Variants in DNAJC16 observed in about 807,000 individuals in gnomAD.
DNAJC16 encodes the protein dnaJ homolog subfamily C member 16.
A neutral mutation model predicts 92.7 loss-of-function variants in DNAJC16; 76 were observed. The observed-to-expected ratio is 0.82, with a 90% confidence interval of 0.68 to 0.99. The LOEUF is 0.99. DNAJC16 is among the 50% of genes least tolerant of loss of function. The pLI is 0.00. For synonymous variants in DNAJC16, 328 were observed against 358.7 expected, an observed-to-expected ratio of 0.91 and a Z score of 0.97; for missense variants, 869 against 942.4, an observed-to-expected ratio of 0.92 and a Z score of 1.02.
intron 11 of DNAJC16, 184 bp from the exon 12 acceptor site, chr1:15,565,735 A>G: frequency 1.6e-6 from 1 of 632,414 alleles, no homozygotes; most frequent in Non-Finnish European, 2.8e-6. Context: ...TGTGAATTAG[A>G]ACACTGAGCA....
intron 4 of DNAJC16, 143 bp downstream of exon 4, chr1:15,536,957 TC>T (rs1710806064): frequency 6.0e-6 from 4 of 666,466 alleles, no homozygotes; most frequent in Non-Finnish European, 7.1e-6. Flanking sequence ...TTCAAGTGAT[TC>T]TCCTGCCTCA....
At chr1:15,566,573 C>T (rs1023690052) in intron 13 of DNAJC16, 4 of 203,520 alleles carry the variant, frequency 2.0e-5, no homozygotes, top group Non-Finnish European at 3.0e-5. Context: ...TGTCCTAGAG[C>T]AACTTCTGCA....
At chr1:15,545,287 C>T (rs991576906) in intron 5 of DNAJC16, among the ~76,000 whole-genome samples, 3 of 152,058 alleles carry the variant, frequency 2.0e-5, no homozygotes, top group Non-Finnish European at 4.4e-5. Flanking sequence ...AAATTTTCAT[C>T]GTATTTCTAC....
At chr1:15,531,422 A>T (rs1469739130) in intron 2 of DNAJC16, among the ~76,000 whole-genome samples, 1 of 152,124 alleles carries the variant, frequency 6.6e-6, no homozygotes, top group African/African-American at 2.4e-5. Flanking sequence ...CCTTCCAGGG[A>T]CTCTTTATAC....
At chr1:15,553,316 C>T (rs1448273288) in intron 7 of DNAJC16, among the ~76,000 whole-genome samples, 4 of 152,002 alleles carry the variant, frequency 2.6e-5, no homozygotes, top group African/African-American at 4.8e-5. Flanking sequence ...CTCACTGCAA[C>T]CTCCGCCTCC....
At chr1:15,532,746 C>T (rs764716775) in intron 2 of DNAJC16, among the ~76,000 whole-genome samples, 6 of 151,458 alleles carry the variant, frequency 4.0e-5, no homozygotes, top group Admixed American at 6.6e-5. Context: ...GTCTCCATCT[C>T]GTTTCCTTAA....
intron 8 of DNAJC16, 86 bp downstream of exon 8, chr1:15,559,742 C>A: frequency 6.5e-7 from 1 of 1,528,178 alleles, no homozygotes. Flanking sequence ...GACATCTGCC[C>A]TGTAACATTG....
chr1:15,564,360 G>C lies in DNAJC16; in HGVS notation c.1598+1G>C. 17 of 1,582,870 alleles carry C rather than the reference G, an allele frequency of 1.1e-5. No individual in the cohort carries two copies. The highest frequency in any genetic ancestry group is 1.5e-5 in the Non-Finnish European group (17 of 1,151,482). On this transcript the variant is annotated splice_donor_variant, in intron 11 of 14. Coordinates refer to ENST00000375847, the MANE Select transcript of DNAJC16 (RefSeq NM_015291.4). LOFTEE classifies it high-confidence loss of function. ...GGGATAGCATTTTTCACAACAACTGGTAGGGATATTGCCAGGCTGAATTTC... is the reference window on the plus strand; with the variant it reads ...GGGATAGCATTTTTCACAACAACTGCTAGGGATATTGCCAGGCTGAATTTC...
At chr1:15,552,389 G>A (rs75205488) in intron 7 of DNAJC16, among the ~76,000 whole-genome samples, 1 of 151,332 alleles carries the variant, frequency 6.6e-6, no homozygotes, top group Non-Finnish European at 1.5e-5. Flanking sequence ...TTCGGGAGGC[G>A]GAGGCAGAAG....
chr1:15,559,082 GAC>G (rs1638634064), intron 7 of DNAJC16, among the ~76,000 whole-genome samples: 1 of 152,106 alleles, frequency 6.6e-6, no homozygotes, highest in African/African-American at 2.4e-5. Context: ...TGGGACTACA[GAC>G]ACACGTCACC....
chr1:15,556,040 C>T (rs1557583685), intron 7 of DNAJC16, among the ~76,000 whole-genome samples: 1 of 148,788 alleles, frequency 6.7e-6, no homozygotes, highest in Non-Finnish European at 1.5e-5. Context: ...CAGTGGCTCA[C>T]CCTAGCACTT....
In DNAJC16 at chr1:15,536,687, T is replaced by G; in HGVS notation, c.447T>G (p.Tyr149Ter). The part of the protein sequence containing the change: ...DEKYLLHFSH[Y>*]VNEVVPDSFK... ...AGTATTTATTGCACTTTTCACATTA[T>G]GTGAATGAAGTGGTTCCAGATAGCT... Residue 149 changes from tyrosine to a stop codon, truncating the protein, a stop_gained, in exon 4 of 15, where the codon TAT becomes TAG. Transcript: ENST00000375847. LOFTEE classifies it high-confidence loss of function. The G allele has an allele frequency of 2.5e-6, 4 of 1,614,200 alleles. No homozygotes were observed. Among genetic ancestry groups the G allele is most frequent in the Non-Finnish European group, 3.4e-6 (4 of 1,180,034 alleles).
chr1:15,530,773 C>T (rs762525525), intron 2 of DNAJC16, among the ~76,000 whole-genome samples: 35 of 152,310 alleles, frequency 2.3e-4, no homozygotes, highest in Admixed American at 5.9e-4. Flanking sequence ...CTGTAACCTC[C>T]GCTTCCTGGG....
At position 15,538,641 on chromosome 1, in the gene DNAJC16, C is replaced by G. The variant is rs577574617; in HGVS notation, c.574+1827C>G. On this transcript the variant is annotated intron_variant, in intron 4 of 14. Coordinates refer to ENST00000375847, the MANE Select transcript of DNAJC16 (RefSeq NM_015291.4). ...CTGAGGCAGGAGAATCACTTGAACCCTGGAGTTGGAGGTTGCTGTGAGCTG... is the reference window on the plus strand; with the variant it reads ...CTGAGGCAGGAGAATCACTTGAACCGTGGAGTTGGAGGTTGCTGTGAGCTG... Among the ~76,000 whole-genome samples the G allele has an allele frequency of 2.0e-5, 3 of 152,224 alleles. No individual in the cohort carries two copies. The South Asian group carries it at 6.2e-4, about 32-fold the overall frequency.
In DNAJC16 at chr1:15,567,026, A is replaced by C. The variant is rs141128451; in HGVS notation, c.1779-73A>C. The C allele has an allele frequency of 2.7e-3, 3,855 of 1,407,310 alleles. 149 individuals carry two copies. The Admixed American group carries it at 0.063, about 23-fold the overall frequency. The allele number at this position is 1,407,310 out of a possible 1,614,324, so 87.2% of individuals were successfully genotyped here. On this transcript the variant is annotated intron_variant, in intron 13 of 14. Coordinates refer to ENST00000375847, the MANE Select transcript of DNAJC16 (RefSeq NM_015291.4). ...TGGTTAGAACATAGCATTTTCTTTCAGCTGTTTCTTTTCAAAGTAACGGCT... is the reference window on the plus strand; with the variant it reads ...TGGTTAGAACATAGCATTTTCTTTCCGCTGTTTCTTTTCAAAGTAACGGCT...
In DNAJC16 at chr1:15,529,513, G is replaced by C. The variant is rs147497402; in HGVS notation, c.167+241G>C. 5.0e-4 allele frequency among the ~76,000 whole-genome samples: 76 copies of C among 152,178 alleles called. 1 individual carries two copies. The highest frequency in any genetic ancestry group is 1.8e-3 in the African/African-American group (75 of 41,532). On this transcript the variant is annotated intron_variant, in intron 2 of 14. Transcript: ENST00000375847. ...TACTTTGGCTTAAAGAATTGCCTTA[G>C]ATACTGTTAGCATATTTAATGTTAA...
At chr1:15,532,042 C>T (rs912910325) in intron 2 of DNAJC16, among the ~76,000 whole-genome samples, 1 of 152,162 alleles carries the variant, frequency 6.6e-6, no homozygotes, top group Non-Finnish European at 1.5e-5. Context: ...TTTACTTTTT[C>T]CCTTAGGAAA....
At chr1:15,566,892 A>G (rs1638822710) in intron 13 of DNAJC16, among the ~76,000 whole-genome samples, 1 of 152,162 alleles carries the variant, frequency 6.6e-6, no homozygotes, top group African/African-American at 2.4e-5. Context: ...TCAAAAAGAA[A>G]AAGAAAAGCA....
At chr1:15,529,310 A>C (rs1380793114) in intron 2 of DNAJC16, 38 bp downstream of exon 2, 1 of 1,586,142 alleles carries the variant, frequency 6.3e-7, no homozygotes, top group Non-Finnish European at 8.6e-7. Flanking sequence ...AACATAAGCT[A>C]AACAGTCTTA....
Sources: gnomAD v4.1 joint callset for allele counts (sites outside exome capture counted in the v4.1 genomes callset) on GRCh38, gnomAD v4.1.1 for gene constraint, MANE v1.5 for transcripts, NCBI Gene and HGNC (gene_info 2026-07-23, HGNC 2026-07-21) for gene names.